The following ZKSCAN7 variants were observed in gnomAD, a reference collection of about 807,000 sequenced individuals.
ZKSCAN7 encodes the protein zinc finger protein with KRAB and SCAN domains 7.
ZKSCAN7 carries 38 observed loss-of-function variants against 65.3 expected under a neutral mutation model. The observed-to-expected ratio is 0.58, with a 90% CI of 0.45 to 0.76. The LOEUF (loss-of-function observed/expected upper bound fraction) is 0.76, where lower values mean the gene tolerates loss of function less well. Among genes scored for constraint, ZKSCAN7 ranks in the 30% least tolerant of loss-of-function variants. The probability of loss-of-function intolerance (pLI) is 0.00; values close to 1 mark genes in which losing one functional copy is unlikely to be tolerated. For synonymous variants in ZKSCAN7, 321 were observed against 321.0 expected, an observed-to-expected ratio of 1.00 and a Z score of 0.00; for missense variants, 815 against 913.3, an observed-to-expected ratio of 0.89 and a Z score of 1.39.
At chr3:44,580,572 T>C in intron 5 of ZKSCAN7, 1 of 1,613,898 alleles carries the variant, frequency 6.2e-7, no homozygotes. Context: ...ATTCTGCTTG[T>C]TGGTCCGGGG....
intron 5 of ZKSCAN7, 148 bp downstream of exon 5, chr3:44,568,581 C>T: frequency 1.7e-6 from 2 of 1,147,582 alleles, no homozygotes. Context: ...CTGCATTCAT[C>T]ACTGAGATTC....
chr3:44,574,485 A>G (rs1409973583), downstream of ZKSCAN7, among the ~76,000 whole-genome samples: 1 of 152,204 alleles, frequency 6.6e-6, no homozygotes, highest in Non-Finnish European at 1.5e-5. Context: ...CAGGTCTTCT[A>G]TGTCTTGTTC....
At chr3:44,578,788 C>G (rs1200848974) in intron 5 of ZKSCAN7, among the ~76,000 whole-genome samples, 1 of 152,226 alleles carries the variant, frequency 6.6e-6, no homozygotes, top group Non-Finnish European at 1.5e-5. Context: ...GTTTCTCTAG[C>G]TCCCGCTGGT....
At chr3:44,581,129 A>G in intron 5 of ZKSCAN7, 1 of 977,658 alleles carries the variant, frequency 1.0e-6, no homozygotes, top group Non-Finnish European at 1.2e-6. Context: ...CGGCCCTGCC[A>G]CAGGCCCTGA....
rs1699819962 is a variant in ZKSCAN7, at chr3:44,572,034, T to G, written c.*659T>G. 4 of 985,698 alleles carry G rather than the reference T, an allele frequency of 4.1e-6. No homozygotes were observed. The highest frequency in any genetic ancestry group is 1.1e-4 in the East Asian group (1 of 8,834). The allele number at this position is 985,698 out of a possible 1,614,324, so 61.1% of individuals were successfully genotyped here. On this transcript the variant is annotated 3_prime_UTR_variant, in exon 6 of 6. Transcript: ENST00000426540. ...ACTGTGGTTAATTGCCTTGTAAATT[T>G]TGCGTGTCTGTATACTTTTATACCA...
rs1699770864 is a variant in ZKSCAN7 at position 44,570,512 on chromosome 3, A to T, written c.1402A>T (p.Lys468Ter). The change falls in exon 6 of 6, where the codon AAA becomes TAA. Residue 468 changes from lysine to a stop codon, truncating the protein, a stop_gained. Transcript: ENST00000426540. LOFTEE classifies it high-confidence loss of function. The stretch of plus-strand genomic sequence containing the variant: ...ACTCCATAATGGGGAGAAACCCTAT[A>T]AATGTAATGAATGTGCAAAAGCCTT... The part of the protein sequence containing the change: ...QRLHNGEKPY[K>*]CNECAKAFTQ... 1 of 1,614,092 alleles carries T rather than the reference A, an allele frequency of 6.2e-7. No individual in the cohort carries two copies. Among genetic ancestry groups the T allele is most frequent in the Non-Finnish European group, 8.5e-7 (1 of 1,180,032 alleles).
rs1341348531 is a variant in ZKSCAN7 at position 44,569,916 on chromosome 3, G to T, written c.812-6G>T. 7 of 1,515,340 alleles carry T rather than the reference G, an allele frequency of 4.6e-6. No individual in the cohort carries two copies. In the Admixed American group the frequency reaches 1.2e-4, roughly 25 times the overall value. The allele number at this position is 1,515,340 out of a possible 1,614,324, so 93.9% of individuals were successfully genotyped here. A position where few individuals can be genotyped will look rare whatever the true frequency, so the allele number is the denominator to read the frequency against. The stretch of plus-strand genomic sequence containing the variant: ...GTAAAAGTTGTTGTCTTCTTTCTTT[G>T]GGCAGCAGGTGAGAACATGATGAAG... On this transcript the variant is annotated splice_polypyrimidine_tract_variant and splice_region_variant and intron_variant, in intron 5 of 5. Coordinates refer to ENST00000426540, the MANE Select transcript of ZKSCAN7 (RefSeq NM_001288590.2).
chr3:44,577,328 C>T (rs1280455762), intron 5 of ZKSCAN7, among the ~76,000 whole-genome samples: 2 of 151,456 alleles, frequency 1.3e-5, no homozygotes, highest in Non-Finnish European at 2.9e-5. Flanking sequence ...CAACATTTTC[C>T]AGGTTGTGAA....
At chr3:44,580,298 CTCT>C (rs1206636369) in intron 5 of ZKSCAN7, 48 of 1,613,854 alleles carry the variant, frequency 3.0e-5, no homozygotes, top group Non-Finnish European at 3.7e-5. Flanking sequence ...TGGCGCTCTC[CTCT>C]TCTTTGCTCT....
intron 5 of ZKSCAN7, among the ~76,000 whole-genome samples, chr3:44,581,893 G>T (rs919859239): frequency 6.6e-6 from 1 of 152,238 alleles, no homozygotes; most frequent in Non-Finnish European, 1.5e-5. Context: ...ACTGTCCCAT[G>T]TTGGGAGACA....
In ZKSCAN7 at chr3:44,557,401, C is replaced by G. The variant is rs1158410742; in HGVS notation, c.354C>G (p.His118Gln). Residue 118 changes from histidine (H) to glutamine (Q), a missense_variant, in exon 2 of 6, where the codon CAC becomes CAG. By Grantham distance (24) the His-to-Gln change is conservative. Coordinates refer to ENST00000426540, the MANE Select transcript of ZKSCAN7 (RefSeq NM_001288590.2). The part of the protein sequence containing the change: ...GELRTWVQLH[H>Q]PESGEEAVAV... Reference sequence around the variant, plus strand: ...TCCGGACCTGGGTGCAGCTGCATCACCCTGAGAGTGGTGAGGAGGCTGTGG... The same window carrying G: ...TCCGGACCTGGGTGCAGCTGCATCAGCCTGAGAGTGGTGAGGAGGCTGTGG... 14 of 1,614,106 alleles carry G rather than the reference C, an allele frequency of 8.7e-6. No homozygotes were observed. The highest frequency in any genetic ancestry group is 1.2e-5 in the Non-Finnish European group (14 of 1,180,048).
rs561237546 is a variant in ZKSCAN7 at position 44,557,312 on chromosome 3, A to T, written c.265A>T (p.Thr89Ser). 3.1e-6 allele frequency: 5 copies of T among 1,614,276 alleles called. No homozygotes were observed. The East Asian group carries it at 8.9e-5, about 29-fold the overall frequency. Reference protein sequence around the residue: ...CRWWLMPEVHTKEQILELLVL... With the variant: ...CRWWLMPEVHSKEQILELLVL... ...CTGGTGGCTCATGCCAGAGGTGCAC[A>T]CCAAGGAGCAGATCCTGGAGCTGCT... The change falls in exon 2 of 6, where the codon ACC (threonine) becomes TCC (serine). Residue 89 changes from threonine to serine, a missense_variant. This residue lies in a region of ZKSCAN7 where 227 missense variants were observed against 253.3 expected (regional missense o/e 0.90). Transcript: ENST00000426540.
At position 44,556,968 on chromosome 3, in the gene ZKSCAN7, C is replaced by A; in HGVS notation, c.-80C>A. 6.3e-7 allele frequency: 1 copy of A among 1,579,560 alleles called. No homozygotes were observed. The highest frequency in any genetic ancestry group is 8.6e-7 in the Non-Finnish European group (1 of 1,158,498). ...CACCCCTTTCTCCAACCCTGAAAAA[C>A]AGTTCCTGAGACCTGAACTATTGAC... On this transcript the variant is annotated 5_prime_UTR_variant, in exon 2 of 6. Transcript: ENST00000426540.
chr3:44,572,262 C>T, downstream of ZKSCAN7: 1 of 976,774 alleles, frequency 1.0e-6, no homozygotes, highest in Non-Finnish European at 1.2e-6. Context: ...TAGAATATCA[C>T]ATACAGAGGT....
At chr3:44,580,194 T>C in intron 5 of ZKSCAN7, 3 of 1,611,314 alleles carry the variant, frequency 1.9e-6, no homozygotes, top group South Asian at 2.2e-5. Flanking sequence ...CAGCTGCTGT[T>C]CTTCGGCCTT....
downstream of ZKSCAN7, among the ~76,000 whole-genome samples, chr3:44,573,520 A>T (rs1302901139): frequency 6.6e-6 from 1 of 152,240 alleles, no homozygotes; most frequent in East Asian, 1.9e-4. Flanking sequence ...CCCAGGACAG[A>T]ACTGAAAATT....
At chr3:44,562,074 A>G (rs1472727966) in intron 2 of ZKSCAN7, among the ~76,000 whole-genome samples, 1 of 152,240 alleles carries the variant, frequency 6.6e-6, no homozygotes, top group South Asian at 2.1e-4. Context: ...TTTCCATGAC[A>G]GTTTTGCCCC....
rs1056710516 is a variant in ZKSCAN7, at chr3:44,578,280, C to T, written c.812-4692C>T. 5.7e-6 allele frequency: 9 copies of T among 1,578,258 alleles called. No individual in the cohort carries two copies. The Admixed American group carries it at 6.7e-5, about 12-fold the overall frequency. On this transcript the variant is annotated intron_variant, in intron 5 of 5. Coordinates refer to the ZKSCAN7 transcript ENST00000341840. ...AGCTCATCCTTGAGGGAGCTAATCTCCTGTTTCAGGTACTGTATTTCCGAT... is the reference window on the plus strand; with the variant it reads ...AGCTCATCCTTGAGGGAGCTAATCTTCTGTTTCAGGTACTGTATTTCCGAT...
chr3:44,577,581 A>G (rs1384534675), intron 5 of ZKSCAN7, among the ~76,000 whole-genome samples: 5 of 152,154 alleles, frequency 3.3e-5, no homozygotes, highest in African/African-American at 4.8e-5. Flanking sequence ...ACACCAGCAC[A>G]TGGTGAGACA....
Sources: gnomAD v4.1 joint callset for allele counts (sites outside exome capture counted in the v4.1 genomes callset) on GRCh38, gnomAD v4.1.1 for gene constraint, gnomAD v4.1.1 regional missense constraint, MANE v1.5 for transcripts, NCBI Gene and HGNC (gene_info 2026-07-23, HGNC 2026-07-21) for gene names.